Variants in OPN1MW observed in about 807,000 individuals in gnomAD.
OPN1MW encodes the protein medium-wave-sensitive opsin 1.
Under a neutral mutation model 7.6 loss-of-function variants are expected in OPN1MW, and 1 was observed. The ratio of observed to expected loss-of-function variants is 0.13; its 90% CI spans 0.05 to 0.62. OPN1MW has a LOEUF of 0.62. Ranked by LOEUF, OPN1MW falls within the 20% of genes least tolerant of loss-of-function variation. OPN1MW has a pLI of 0.87. For synonymous variants in OPN1MW, 11 were observed against 51.7 expected (o/e 0.21, Z 3.38); for missense variants, 16 against 122.7 (o/e 0.13, Z 4.11).
intron 5 of OPN1MW, among the ~76,000 whole-genome samples, chrX:154,193,914 T>C (rs2067117832): frequency 2.2e-5 from 2 of 91,267 alleles, no homozygotes; most frequent in Admixed American, 2.6e-4. Context: ...CTGTGTGCCG[T>C]GTGCTCTTCC....
At chrX:154,191,238 C>G in intron 3 of OPN1MW, among the ~76,000 whole-genome samples, 1 of 91,183 alleles carries the variant, frequency 1.1e-5, no homozygotes, top group African/African-American at 3.6e-5. Flanking sequence ...ACCACTTCAC[C>G]CAGCTAATTT....
At chrX:154,191,168 C>A (rs2067113930) in intron 3 of OPN1MW, among the ~76,000 whole-genome samples, 1 of 65,375 alleles carries the variant, frequency 1.5e-5, no homozygotes, top group Non-Finnish European at 3.3e-5. Context: ...GCAGCCTCCA[C>A]CTCCTGGGCT....
chrX:154,191,365 A>G (rs1451957903), intron 3 of OPN1MW, among the ~76,000 whole-genome samples: 1 of 74,466 alleles, frequency 1.3e-5, no homozygotes, highest in Non-Finnish European at 2.8e-5. Flanking sequence ...GGCGTGAGCC[A>G]TTGTGCCTGG....
At chrX:154,186,540 G>A (rs1465733328) in intron 1 of OPN1MW, among the ~76,000 whole-genome samples, 2 of 103,328 alleles carry the variant, frequency 1.9e-5, no homozygotes, top group Non-Finnish European at 4.1e-5. Context: ...CAGGAGGATC[G>A]CTTGAGCCCA....
intron 3 of OPN1MW, among the ~76,000 whole-genome samples, chrX:154,191,253 T>C (rs1478639732): frequency 0.02 from 1,819 of 93,211 alleles, 178 homozygotes; most frequent in Middle Eastern, 0.032. Flanking sequence ...TAATTTTTTT[T>C]ATTTTTTGTA....
intron 3 of OPN1MW, among the ~76,000 whole-genome samples, chrX:154,191,331 G>A (rs1170148573): frequency 5.7e-5 from 5 of 87,464 alleles, no homozygotes; most frequent in African/African-American, 7.4e-5. Context: ...TCCTACCTCT[G>A]CCTCCAAATG....
chrX:154,191,276 C>T (rs2067114285), intron 3 of OPN1MW, among the ~76,000 whole-genome samples: 1 of 95,598 alleles, frequency 1.0e-5, no homozygotes, highest in Admixed American at 1.3e-4. Flanking sequence ...GACAAGATCT[C>T]ACTGTGTTCC....
At chrX:154,186,687 G>A (rs1388950401) in intron 1 of OPN1MW, among the ~76,000 whole-genome samples, 1 of 90,343 alleles carries the variant, frequency 1.1e-5, no homozygotes, top group African/African-American at 3.6e-5. Flanking sequence ...AAGAATAAAA[G>A]AGAAATTACC....
intron 1 of OPN1MW, among the ~76,000 whole-genome samples, chrX:154,186,900 AT>A (rs1176835599): frequency 3.0e-5 from 1 of 33,888 alleles, no homozygotes; most frequent in African/African-American, 8.3e-5. Context: ...TTAAAAAAAA[AT>A]TTTTTTTACA....
intron 5 of OPN1MW, 62 bp downstream of exon 5, chrX:154,193,709 T>C: frequency 2.9e-6 from 3 of 1,029,993 alleles, no homozygotes; most frequent in Non-Finnish European, 1.3e-6. Flanking sequence ...GGTGCAGTGA[T>C]GGCCCCACCT....
chrX:154,186,550 A>G (rs1361482533), intron 1 of OPN1MW, among the ~76,000 whole-genome samples: 1 of 104,111 alleles, frequency 9.6e-6, no homozygotes, highest in Non-Finnish European at 2.0e-5. Flanking sequence ...GCTTGAGCCC[A>G]GGAGGATCGC....
chrX:154,191,312 G>A (rs1444619720), intron 3 of OPN1MW, among the ~76,000 whole-genome samples: 5 of 91,634 alleles, frequency 5.5e-5, no homozygotes, highest in South Asian at 5.7e-4. Context: ...TCCTGGGCTC[G>A]AGCAATCCTC....
intron 3 of OPN1MW, among the ~76,000 whole-genome samples, chrX:154,191,266 G>C (rs1466765733): frequency 1.1e-5 from 1 of 94,882 alleles, no homozygotes; most frequent in Non-Finnish European, 2.2e-5. Context: ...TTTTTGTAGA[G>C]ACAAGATCTC....
intron 1 of OPN1MW, among the ~76,000 whole-genome samples, chrX:154,186,660 G>A (rs1280283740): frequency 4.4e-5 from 4 of 90,646 alleles, no homozygotes; most frequent in East Asian, 3.5e-4. Context: ...AAAAAAAAAA[G>A]AAAAGAAAGA....
At chrX:154,186,622 T>C (rs1395581655) in intron 1 of OPN1MW, among the ~76,000 whole-genome samples, 1 of 99,400 alleles carries the variant, frequency 1.0e-5, no homozygotes, top group Admixed American at 1.2e-4. Flanking sequence ...CCAGCCTGGG[T>C]GACAGAGCAA....
intron 3 of OPN1MW, among the ~76,000 whole-genome samples, chrX:154,191,274 C>T (rs1251942995): frequency 1.0e-5 from 1 of 95,526 alleles, no homozygotes; most frequent in African/African-American, 3.5e-5. Context: ...GAGACAAGAT[C>T]TCACTGTGTT....
At chrX:154,194,184 A>AG (rs781849158) in intron 5 of OPN1MW, among the ~76,000 whole-genome samples, 3 of 35,927 alleles carry the variant, frequency 8.4e-5, no homozygotes, top group African/African-American at 3.1e-4. Flanking sequence ...GGGTTAGTTC[A>AG]GGGGGGACGT....
chrX:154,191,157 T>C (rs1474348519), intron 3 of OPN1MW, among the ~76,000 whole-genome samples: 2 of 56,420 alleles, frequency 3.5e-5, no homozygotes, highest in Admixed American at 2.6e-4. Context: ...TATGGCTCAC[T>C]GCAGCCTCCA....
intron 1 of OPN1MW, among the ~76,000 whole-genome samples, chrX:154,186,479 G>A (rs1483313635): frequency 1.0e-5 from 1 of 99,353 alleles, no homozygotes; most frequent in Non-Finnish European, 2.1e-5. Flanking sequence ...AAAAAAAATT[G>A]CCATTGTGGT....
Sources: gnomAD v4.1 joint callset for allele counts (sites outside exome capture counted in the v4.1 genomes callset) on GRCh38, gnomAD v4.1.1 for gene constraint, MANE v1.5 for transcripts, NCBI Gene and HGNC (gene_info 2026-07-23, HGNC 2026-07-21) for gene names.